C19orf67: variants seen among roughly 807,000 people sequenced by gnomAD.
The protein encoded by C19orf67 is UPF0575 protein C19orf67.
A neutral mutation model predicts 41.4 loss-of-function variants in C19orf67; 28 were observed. The ratio of observed to expected loss-of-function variants is 0.68; its 90% CI spans 0.50 to 0.93. The LOEUF (loss-of-function observed/expected upper bound fraction) is 0.93. Ranked by LOEUF, C19orf67 falls within the 40% of genes least tolerant of loss-of-function variation. The pLI, the probability that C19orf67 is intolerant of heterozygous loss-of-function variation, is 0.00. For synonymous variants in C19orf67, 242 were observed against 203.4 expected (o/e 1.19, Z -1.62); for missense variants, 421 against 467.0 (o/e 0.90, Z 0.91).
chr19:14,083,420 A>ATGCT lies in C19orf67; in HGVS notation c.582-2_583dup (p.Ile195LysfsTer17), dbSNP rs1200619530. 2 of 1,530,840 alleles carry ATGCT rather than the reference A, an allele frequency of 1.3e-6. No individual in the cohort carries two copies. The highest frequency in any genetic ancestry group is 1.7e-6 in the Non-Finnish European group (2 of 1,143,072). The allele number at this position is 1,530,840 out of a possible 1,614,324, so 94.8% of individuals were successfully genotyped here. On this transcript the variant is annotated frameshift_variant and splice_region_variant, in exon 4 of 6. Coordinates refer to ENST00000548523, the MANE Select transcript of C19orf67 (RefSeq NM_001277378.2). LOFTEE classifies it high-confidence loss of function. ...GAACCTCCCGCAAAAGAAACAGGAG[A>ATGCT]TGCTGGCGAGACATGAGAGAATGGA...
At position 14,084,969 on chromosome 19, in the gene C19orf67, GC is replaced by G. The variant is rs145291063; in HGVS notation, c.335+323del. Among the ~76,000 whole-genome samples the G allele has an allele frequency of 1.1e-3, 166 of 152,308 alleles. 1 individual carries two copies. Among genetic ancestry groups the G allele is most frequent in the African/African-American group, 3.9e-3 (163 of 41,558 alleles). On this transcript the variant is annotated intron_variant, in intron 1 of 5. Coordinates refer to ENST00000548523, the MANE Select transcript of C19orf67 (RefSeq NM_001277378.2). ...GGAGTCTCAAACTGATGTCCTGCAG[GC>G]CAAGTTTGGCTCAGGTGGGTCTTGT...
rs900336448 is a variant in C19orf67, at chr19:14,085,287, C to T, written c.335+6G>A. 1.6e-5 allele frequency: 24 copies of T among 1,535,744 alleles called. No individual in the cohort carries two copies. Among genetic ancestry groups the T allele is most frequent in the Middle Eastern group, 1.7e-4 (1 of 6,006 alleles). On this transcript the variant is annotated splice_donor_region_variant and intron_variant, in intron 1 of 5. Coordinates refer to ENST00000548523, the MANE Select transcript of C19orf67 (RefSeq NM_001277378.2). ...CATGGGGACCTGGGACCCTGTCCAG[C>T]ATCACCTGTAGAGCAAGTAGCTCTG...
chr19:14,085,636 C>CG lies in C19orf67; in HGVS notation c.-10dup, dbSNP rs995716629. The CG allele has an allele frequency of 7.7e-7, 1 of 1,290,468 alleles. No homozygotes were observed. Among genetic ancestry groups the CG allele is most frequent in the Non-Finnish European group, 1.1e-6 (1 of 925,868 alleles). The allele number at this position is 1,290,468 out of a possible 1,614,324, so 79.9% of individuals were successfully genotyped here. On this transcript the variant is annotated 5_prime_UTR_variant, in exon 1 of 6. Coordinates refer to ENST00000548523, the MANE Select transcript of C19orf67 (RefSeq NM_001277378.2). ...CACTGCTCTGTAGCCATGGTAGGGC[C>CG]GGGGGGCGGGAACCTGAGCTCTTTA...
chr19:14,081,746 G>T lies in C19orf67; in HGVS notation c.*88C>A. ...GCCCTTTGGAAGGCGAGGCCGGGCT[G>T]CACTGCGAGAACGAGTGAGCCCCTC... On this transcript the variant is annotated 3_prime_UTR_variant, in exon 6 of 6. Transcript: ENST00000548523. The T allele has an allele frequency of 8.6e-7, 1 of 1,167,772 alleles. No homozygotes were observed. Among genetic ancestry groups the T allele is most frequent in the Non-Finnish European group, 1.1e-6 (1 of 869,870 alleles). 72.3% of individuals were successfully genotyped at this position (1,167,772 alleles called of 1,614,324 possible).
At chr19:14,085,152 TC>T in intron 1 of C19orf67, 140 bp downstream of exon 1, 1 of 659,204 alleles carries the variant, frequency 1.5e-6, no homozygotes, top group Non-Finnish European at 2.6e-6. Flanking sequence ...TAAACTGGAT[TC>T]TAATATGCTA....
Position 14,085,505 on chromosome 19 carries a change from GC to G in C19orf67, c.122del (p.Gly41AlafsTer59). 6.5e-7 allele frequency: 1 copy of G among 1,535,406 alleles called. No homozygotes were observed. Among genetic ancestry groups the G allele is most frequent in the Non-Finnish European group, 8.7e-7 (1 of 1,146,736 alleles). ...CCGGCTCAGATGGGTTCCCAGGCCT[GC>G]CAGGGGGCGTCGACCTGGAGGGGTC... The part of the protein sequence containing the change: ...CGDPSRSTPP[G>X]RPGNPSEPDP... On this transcript the variant is annotated frameshift_variant, in exon 1 of 6. Coordinates refer to ENST00000548523, the MANE Select transcript of C19orf67 (RefSeq NM_001277378.2). LOFTEE classifies it high-confidence loss of function.
Position 14,082,603 on chromosome 19 carries a change from G to A in C19orf67, c.768C>T (p.Tyr256=). ...AAGTATCTCGATAGCACAGAAAGTA[G>A]CTAGGAGGGGAGGGAGCTGTAATTA... The part of the protein sequence containing the change: ...PGRGQDSLVD[Y]YFLCYRDTWE... The change falls in exon 5 of 6, where the codon TAC becomes TAT. Residue 256 remains tyrosine (Y), a splice_region_variant and synonymous_variant. Transcript: ENST00000548523. 1 of 1,535,796 alleles carries A rather than the reference G, an allele frequency of 6.5e-7. No individual in the cohort carries two copies. The highest frequency in any genetic ancestry group is 8.7e-7 in the Non-Finnish European group (1 of 1,146,586).
chr19:14,083,707 G>C (rs1201704396), intron 2 of C19orf67, 26 bp downstream of exon 2: 12 of 1,487,188 alleles, frequency 8.1e-6, no homozygotes, highest in Admixed American at 6.6e-5. Flanking sequence ...AGAAAGGGGC[G>C]TGGGGTCTAA....
chr19:14,083,961 C>T (rs899628820), intron 1 of C19orf67, 84 bp from the exon 2 acceptor site: 2 of 1,224,914 alleles, frequency 1.6e-6, no homozygotes, highest in African/African-American at 1.5e-5. Flanking sequence ...TCAATCCCAA[C>T]CTGTATCCCT....
Position 14,083,410 on chromosome 19 carries a change from G to A in C19orf67, c.594C>T (p.Phe198=). ...EEMNPLSISC[F]FCGRFSISLS... ...GGCTGATGGAGAACCTCCCGCAAAAGAAACAGGAGATGCTGGCGAGACATG... is the reference window on the plus strand; with the variant it reads ...GGCTGATGGAGAACCTCCCGCAAAAAAAACAGGAGATGCTGGCGAGACATG... The change falls in exon 4 of 6, where the codon TTC becomes TTT. Residue 198 remains phenylalanine, a synonymous_variant. Coordinates refer to ENST00000548523, the MANE Select transcript of C19orf67 (RefSeq NM_001277378.2). 1 of 1,530,802 alleles carries A rather than the reference G, an allele frequency of 6.5e-7. No homozygotes were observed. Among genetic ancestry groups the A allele is most frequent in the Non-Finnish European group, 8.7e-7 (1 of 1,143,020 alleles). The allele number at this position is 1,530,802 out of a possible 1,614,324, so 94.8% of individuals were successfully genotyped here.
In C19orf67 at chr19:14,085,388, G is replaced by T; in HGVS notation, c.240C>A (p.Pro80=). Residue 80 remains proline (P), a synonymous_variant, in exon 1 of 6, where the codon CCC becomes CCA. Transcript: ENST00000548523. The stretch of plus-strand genomic sequence containing the variant: ...TGAACAAAGTGTCCAGGGATAGGCG[G>T]GGAGGTGCTGGCCCAGGCCGGGGGA... ...PLVPRPGPAP[P]RLSLDTLFSP... 6.5e-7 allele frequency: 1 copy of T among 1,536,184 alleles called. No individual in the cohort carries two copies. Among genetic ancestry groups the T allele is most frequent in the Non-Finnish European group, 8.7e-7 (1 of 1,146,920 alleles).
At position 14,081,855 on chromosome 19, in the gene C19orf67, C is replaced by T; in HGVS notation, c.1056G>A (p.Gly352=). The change falls in exon 6 of 6, where the codon GGG becomes GGA. Residue 352 remains glycine (G), a synonymous_variant. Transcript: ENST00000548523. ...AGGTTCAAGACCCCTGCGCTGCCCA[C>T]CCCGCAGGCCCGGCTGCGCTCGGAG... ...ARPPSAAGPA[G]WAAQGS is the part of the protein sequence containing the mutation. The T allele has an allele frequency of 6.5e-7, 1 of 1,532,744 alleles. No individual in the cohort carries two copies. Among genetic ancestry groups the T allele is most frequent in the African/African-American group, 1.4e-5 (1 of 72,900 alleles). 94.9% of individuals were successfully genotyped at this position (1,532,744 alleles called of 1,614,324 possible).
In C19orf67 at chr19:14,085,367, CAA is replaced by C. The variant is rs1244328162; in HGVS notation, c.259_260del (p.Leu87ValfsTer17). ...GCAGCTGTTGGGTGATGGGGCTGAA[CAA>C]AGTGTCCAGGGATAGGCGGGGAGGT... is the stretch of plus-strand genomic sequence containing the variant. Reference protein sequence around the residue: ...PAPPRLSLDTLFSPITQQLRY... With the variant: ...PAPPRLSLDTXFSPITQQLRY... On this transcript the variant is annotated frameshift_variant, in exon 1 of 6. Transcript: ENST00000548523. LOFTEE classifies it high-confidence loss of function. 3.3e-6 allele frequency: 5 copies of C among 1,536,094 alleles called. No individual in the cohort carries two copies. In the East Asian group the frequency reaches 9.8e-5, roughly 30 times the overall value.
chr19:14,081,907 AG>A lies in C19orf67; in HGVS notation c.1003del (p.Leu335SerfsTer?). 1 of 1,534,292 alleles carries A rather than the reference AG, an allele frequency of 6.5e-7. No homozygotes were observed. Among genetic ancestry groups the A allele is most frequent in the Non-Finnish European group, 8.7e-7 (1 of 1,145,850 alleles). On this transcript the variant is annotated frameshift_variant, in exon 6 of 6. Coordinates refer to ENST00000548523, the MANE Select transcript of C19orf67 (RefSeq NM_001277378.2). LOFTEE classifies it high-confidence loss of function. The stretch of plus-strand genomic sequence containing the variant: ...CCGGGCCTGGCCTGCCTGGCCCGTG[AG>A]GATCTGCACCAGCAGGTCGGTGGCC... ...TLATDLLVQI[L>X]TGQAGQARPP...
At chr19:14,082,685 G>T in intron 4 of C19orf67, 82 bp from the exon 5 acceptor site, 5 of 1,384,014 alleles carry the variant, frequency 3.6e-6, no homozygotes, top group Non-Finnish European at 4.8e-6. Flanking sequence ...GAGTTGAGGT[G>T]GGAACTCATC....
Position 14,083,741 on chromosome 19 carries a change from G to A in C19orf67, c.472C>T (p.Arg158Ter), listed in dbSNP as rs1363761178. The A allele has an allele frequency of 1.4e-6, 2 of 1,449,008 alleles. No individual in the cohort carries two copies. The highest frequency in any genetic ancestry group is 9.1e-7 in the Non-Finnish European group (1 of 1,101,838). The allele number at this position is 1,449,008 out of a possible 1,614,324, so 89.8% of individuals were successfully genotyped here. A position where few individuals can be genotyped will look rare whatever the true frequency, so the allele number is the denominator to read the frequency against. Reference sequence around the variant, plus strand: ...AAGAAACCTCCACACACCCCCTTTCGGACCAGCTCCTGCAGGGGTCCATAG... The same window carrying A: ...AAGAAACCTCCACACACCCCCTTTCAGACCAGCTCCTGCAGGGGTCCATAG... ...PIYGPLQELV[R>*]KGLLEISQQL... is the part of the protein sequence containing the mutation. The change falls in exon 2 of 6, where the codon CGA becomes TGA. Residue 158 changes from arginine (R) to a stop codon, truncating the protein, a stop_gained. Coordinates refer to ENST00000548523, the MANE Select transcript of C19orf67 (RefSeq NM_001277378.2). LOFTEE classifies it high-confidence loss of function.
At position 14,082,486 on chromosome 19, in the gene C19orf67, C is replaced by G; in HGVS notation, c.885G>C (p.Glu295Asp). 1 of 1,535,408 alleles carries G rather than the reference C, an allele frequency of 6.5e-7. No individual in the cohort carries two copies. The highest frequency in any genetic ancestry group is 8.7e-7 in the Non-Finnish European group (1 of 1,146,488). ...GCTCCTACCATGAATAAAGGTCATC[C>G]TCGGCTGGTCCTAGGGGCACCCATC... ...IGRWVPLGPA[E>D]DDLYSWILCP... Residue 295 changes from glutamate to aspartate, a missense_variant, in exon 5 of 6, where the codon GAG becomes GAC. Physicochemically the swap from Glu to Asp is conservative, Grantham distance 45. This residue lies in a region of C19orf67 where 253 missense variants were observed against 307.0 expected (regional missense o/e 0.82). Coordinates refer to ENST00000548523, the MANE Select transcript of C19orf67 (RefSeq NM_001277378.2).
At chr19:14,083,711 G>C (rs928435715) in intron 2 of C19orf67, 22 bp downstream of exon 2, 1 of 1,478,096 alleles carries the variant, frequency 6.8e-7, no homozygotes, top group African/African-American at 1.4e-5. Context: ...AGGGGCGTGG[G>C]GTCTAAGAAA....
At position 14,083,270 on chromosome 19, in the gene C19orf67, G is replaced by A. The variant is rs754518867; in HGVS notation, c.734C>T (p.Ala245Val). Residue 245 changes from alanine to valine, a missense_variant, in exon 4 of 6, where the codon GCC (alanine) becomes GTC (valine). By Grantham distance (64) the Ala-to-Val change is moderately conservative. Coordinates refer to ENST00000548523, the MANE Select transcript of C19orf67 (RefSeq NM_001277378.2). Reference sequence around the variant, plus strand: ...AAGGGAATCTTGTCCCCGACCAGGGGCCTCTGGGGTGGCTTCCAGGTGCCA... The same window carrying A: ...AAGGGAATCTTGTCCCCGACCAGGGACCTCTGGGGTGGCTTCCAGGTGCCA... ...MRWHLEATPE[A>V]PGRGQDSLVD... 6.5e-7 allele frequency: 1 copy of A among 1,536,092 alleles called. No individual in the cohort carries two copies. The highest frequency in any genetic ancestry group is 8.7e-7 in the Non-Finnish European group (1 of 1,146,912).
Sources: gnomAD v4.1 joint callset for allele counts (sites outside exome capture counted in the v4.1 genomes callset) on GRCh38, gnomAD v4.1.1 for gene constraint, gnomAD v4.1.1 regional missense constraint, MANE v1.5 for transcripts, NCBI Gene and HGNC (gene_info 2026-07-23, HGNC 2026-07-21) for gene names.